The following DNAH9 variants were observed in gnomAD, a reference collection of about 807,000 sequenced individuals.
DNAH9 encodes DNAH9 variant protein.
A neutral mutation model predicts 471.6 loss-of-function variants in DNAH9; 345 were observed. The ratio of observed to expected loss-of-function variants is 0.73; its 90% CI spans 0.67 to 0.80. The LOEUF (loss-of-function observed/expected upper bound fraction) is 0.80. Ranked by LOEUF, DNAH9 falls within the 30% of genes least tolerant of loss-of-function variation. The pLI, the probability that DNAH9 is intolerant of heterozygous loss-of-function variation, is 0.00. For missense variants in DNAH9, 5,407 were observed against 5,609.2 expected (o/e 0.96, Z 1.15); for synonymous variants, 2,093 against 2,123.6 (o/e 0.99, Z 0.40).
intron 67 of DNAH9, among the ~76,000 whole-genome samples, chr17:11,944,230 G>A (rs1273908349): frequency 3.3e-5 from 5 of 152,204 alleles, no homozygotes; most frequent in South Asian, 2.1e-4. Context: ...AGATTGGAAA[G>A]GGAGCCTTCC....
At chr17:11,934,435 A>ATTGTTTTTT (rs1974628407) in intron 65 of DNAH9, among the ~76,000 whole-genome samples, 1 of 86,044 alleles carries the variant, frequency 1.2e-5, no homozygotes, top group Non-Finnish European at 2.2e-5. Flanking sequence ...TGACAAACCC[A>ATTGTTTTTT]TTTTTTTTTT....
At chr17:11,832,877 T>C (rs2150951865) in intron 48 of DNAH9, among the ~76,000 whole-genome samples, 1 of 152,336 alleles carries the variant, frequency 6.6e-6, no homozygotes, top group South Asian at 2.1e-4. Context: ...ATAGCTTCTT[T>C]ACTTTCTAGA....
At chr17:11,727,978 G>A in intron 28 of DNAH9, 56 bp downstream of exon 28, 4 of 1,117,690 alleles carry the variant, frequency 3.6e-6, no homozygotes, top group South Asian at 1.2e-5. Flanking sequence ...TACTGCGGAA[G>A]TCTATGTCCT....
chr17:11,867,000 C>G (rs1403161062), intron 50 of DNAH9, among the ~76,000 whole-genome samples: 1 of 152,264 alleles, frequency 6.6e-6, no homozygotes, highest in Non-Finnish European at 1.5e-5. Flanking sequence ...CGCCCTGCTT[C>G]AGCTCGCGCA....
intron 32 of DNAH9, among the ~76,000 whole-genome samples, chr17:11,751,341 A>C (rs1967143091): frequency 6.6e-6 from 1 of 152,030 alleles, no homozygotes; most frequent in Non-Finnish European, 1.5e-5. Context: ...TCATTAATAT[A>C]GACACAAATA....
At chr17:11,765,349 C>G (rs1229913177) in intron 36 of DNAH9, among the ~76,000 whole-genome samples, 2 of 152,218 alleles carry the variant, frequency 1.3e-5, no homozygotes, top group African/African-American at 4.8e-5. Context: ...GATTGTGAGC[C>G]TCTTTCAAAG....
At chr17:11,773,919 C>G (rs2150884277) in intron 38 of DNAH9, among the ~76,000 whole-genome samples, 1 of 152,056 alleles carries the variant, frequency 6.6e-6, no homozygotes. Context: ...CACCTGAGGT[C>G]AGGAGTTCGA....
At chr17:11,776,353 C>CAAAAAA (rs78587925) in intron 38 of DNAH9, among the ~76,000 whole-genome samples, 5 of 112,722 alleles carry the variant, frequency 4.4e-5, no homozygotes, top group Admixed American at 2.0e-4. Flanking sequence ...CATCTGCATT[C>CAAAAAA]AAAAAAAAAA....
At chr17:11,777,799 C>T (rs898492344) in intron 38 of DNAH9, among the ~76,000 whole-genome samples, 1 of 152,166 alleles carries the variant, frequency 6.6e-6, no homozygotes, top group Non-Finnish European at 1.5e-5. Flanking sequence ...AGAAAGACAG[C>T]TCTCTCCCAC....
chr17:11,941,876 G>A (rs1339500660), intron 66 of DNAH9, among the ~76,000 whole-genome samples: 3 of 151,908 alleles, frequency 2.0e-5, no homozygotes, highest in Non-Finnish European at 4.4e-5. Flanking sequence ...TTGATATACT[G>A]TATCTGGATA....
rs766794602 is a variant in DNAH9 at position 11,669,500 on chromosome 17, A to G, written c.3059A>G (p.Asp1020Gly). The change falls in exon 17 of 69, where the codon GAC (aspartate) becomes GGC (glycine). Residue 1020 changes from aspartate (D) to glycine (G), a missense_variant. This residue lies in a region of DNAH9 where 4,636 missense variants were observed against 4,900.3 expected (regional missense o/e 0.95). Coordinates refer to ENST00000262442, the MANE Select transcript of DNAH9 (RefSeq NM_001372.4). The part of the protein sequence containing the change: ...FSQYSYLYVE[D>G]RKEVLGQFLL... ...CAGTATTCGTACCTCTATGTGGAGG[A>G]CCGGAAGGAGGTTCTGGGTCAGTTT... is the stretch of plus-strand genomic sequence containing the variant. The G allele has an allele frequency of 1.2e-6, 2 of 1,614,060 alleles. No homozygotes were observed. The highest frequency in any genetic ancestry group is 1.3e-5 in the African/African-American group (1 of 74,982).
chr17:11,715,599 C>CT (rs2074945854), intron 26 of DNAH9, among the ~76,000 whole-genome samples: 1 of 152,186 alleles, frequency 6.6e-6, no homozygotes, highest in African/African-American at 2.4e-5. Flanking sequence ...TGGAACCAAA[C>CT]TAAATCAATC....
intron 43 of DNAH9, 131 bp from the exon 44 acceptor site, chr17:11,807,601 T>C: frequency 9.9e-7 from 1 of 1,006,344 alleles, no homozygotes; most frequent in Non-Finnish European, 1.4e-6. Context: ...GACAATCTAA[T>C]AAACGTTTCC....
At chr17:11,809,492 G>A (rs959922691) in intron 44 of DNAH9, among the ~76,000 whole-genome samples, 8 of 152,098 alleles carry the variant, frequency 5.3e-5, no homozygotes, top group Admixed American at 1.3e-4. Flanking sequence ...CCTTGAACCC[G>A]AGAGGCGGAG....
At chr17:11,602,729 C>G (rs575696375) in intron 1 of DNAH9, among the ~76,000 whole-genome samples, 1 of 152,284 alleles carries the variant, frequency 6.6e-6, no homozygotes, top group East Asian at 1.9e-4. Flanking sequence ...TATCTTTGTC[C>G]TCCAGTGATC....
intron 61 of DNAH9, among the ~76,000 whole-genome samples, chr17:11,920,846 G>T (rs928802797): frequency 5.9e-5 from 9 of 151,708 alleles, no homozygotes; most frequent in Non-Finnish European, 1.0e-4. Context: ...CTTTCAGTGA[G>T]AAAGGGGTTT....
At chr17:11,872,534 C>G (rs1411838611) in intron 52 of DNAH9, among the ~76,000 whole-genome samples, 1 of 152,144 alleles carries the variant, frequency 6.6e-6, no homozygotes, top group Non-Finnish European at 1.5e-5. Flanking sequence ...GTGTGTCCTA[C>G]CACTCCACTA....
chr17:11,934,477 G>A (rs1212085188), intron 65 of DNAH9, among the ~76,000 whole-genome samples: 1 of 110,128 alleles, frequency 9.1e-6, no homozygotes, highest in East Asian at 2.9e-4. Flanking sequence ...ATGGAGTCTT[G>A]CTCTGGCGCC....
In DNAH9 at chr17:11,640,350, G is replaced by T. The variant is rs543398439; in HGVS notation, c.1867G>T (p.Gly623Cys). ...WAQELRQRIQ[G>C]PFSNFGRITH... ...ACAGGAGCTGAGGCAGCGCATCCAG[G>T]GTCCTTTCAGCAACTTTGGACGCAT... The change falls in exon 10 of 69, where the codon GGT (glycine) becomes TGT (cysteine). Residue 623 changes from glycine (G) to cysteine (C), a missense_variant. Physicochemically the swap from Gly to Cys is radical, Grantham distance 159. Transcript: ENST00000262442. The T allele has an allele frequency of 1.2e-6, 2 of 1,613,914 alleles. No homozygotes were observed. The highest frequency in any genetic ancestry group is 2.7e-5 in the African/African-American group (2 of 75,018).
Sources: gnomAD v4.1 joint callset for allele counts (sites outside exome capture counted in the v4.1 genomes callset) on GRCh38, gnomAD v4.1.1 for gene constraint, gnomAD v4.1.1 regional missense constraint, MANE v1.5 for transcripts, NCBI Gene and HGNC (gene_info 2026-07-23, HGNC 2026-07-21) for gene names.